Variants in RP1 observed in about 807,000 individuals in gnomAD.
RP1 encodes RP1 axonemal microtubule associated, also known as oxygen-regulated protein 1.
A neutral mutation model predicts 14.8 loss-of-function variants in RP1; 16 were observed. The ratio of observed to expected loss-of-function variants is 1.08; its 90% CI spans 0.73 to 1.65. The LOEUF is 1.65. Among genes scored for constraint, RP1 ranks in the 40% most tolerant of loss-of-function variants. The pLI, the probability that RP1 is intolerant of heterozygous loss-of-function variation, is 0.00. For synonymous variants in RP1, 876 were observed against 883.6 expected, an observed-to-expected ratio of 0.99 and a Z score of 0.15; for missense variants, 2,631 against 2,535.0, an observed-to-expected ratio of 1.04 and a Z score of -0.81.
At chr8:54,585,619 C>T (rs1397689451) in intron 1 of RP1, among the ~76,000 whole-genome samples, 1 of 152,232 alleles carries the variant, frequency 6.6e-6, no homozygotes, top group Admixed American at 6.5e-5. Flanking sequence ...TTATCCCCGT[C>T]ACTTTCGGGT....
At chr8:54,855,971 ACC>A (rs750191284) in intron 26 of RP1, among the ~76,000 whole-genome samples, 10,552 of 55,688 alleles carry the variant, frequency 0.19, 638 homozygotes, top group African/African-American at 0.38. Context: ...ACACACACAC[ACC>A]CCCTATAACC....
intron 7 of RP1, among the ~76,000 whole-genome samples, chr8:54,666,061 G>A (rs1807010800): frequency 6.6e-6 from 1 of 152,096 alleles, no homozygotes; most frequent in Admixed American, 6.6e-5. Context: ...AGGTGGTTTA[G>A]AGGCCAGTCC....
chr8:54,813,363 A>G (rs890428163), intron 24 of RP1, among the ~76,000 whole-genome samples: 3 of 152,118 alleles, frequency 2.0e-5, no homozygotes, highest in East Asian at 3.9e-4. Context: ...CCAGGGATGC[A>G]CCTCCTCAGT....
intron 24 of RP1, among the ~76,000 whole-genome samples, chr8:54,830,630 T>C (rs1041325082): frequency 6.6e-6 from 1 of 152,194 alleles, no homozygotes; most frequent in Non-Finnish European, 1.5e-5. Context: ...TGTTACTTTT[T>C]AAATCCAGTC....
At chr8:54,757,228 T>C (rs1350651693) in intron 21 of RP1, among the ~76,000 whole-genome samples, 1 of 152,214 alleles carries the variant, frequency 6.6e-6, no homozygotes, top group Admixed American at 6.5e-5. Context: ...AAACCACTCA[T>C]TGGGCTAGTT....
At chr8:54,825,105 G>A (rs1381487321) in intron 24 of RP1, among the ~76,000 whole-genome samples, 1 of 152,090 alleles carries the variant, frequency 6.6e-6, no homozygotes, top group East Asian at 1.9e-4. Context: ...GAGTAGCTGG[G>A]ACTACAGGCG....
At chr8:54,593,629 G>T (rs927389560) in intron 1 of RP1, among the ~76,000 whole-genome samples, 2 of 152,212 alleles carry the variant, frequency 1.3e-5, no homozygotes, top group Non-Finnish European at 2.9e-5. Context: ...AGGCTGCACT[G>T]TGAAGGGAAC....
chr8:54,675,541 T>G (rs1585598029), intron 8 of RP1, among the ~76,000 whole-genome samples: 1 of 152,318 alleles, frequency 6.6e-6, no homozygotes, highest in Non-Finnish European at 1.5e-5. Flanking sequence ...AACATTTTTA[T>G]AATTTGACTC....
chr8:54,790,080 C>T (rs1242996679), intron 24 of RP1, among the ~76,000 whole-genome samples: 1 of 152,142 alleles, frequency 6.6e-6, no homozygotes, highest in Non-Finnish European at 1.5e-5. Flanking sequence ...GGGAAAGCAG[C>T]CTATAACTCT....
chr8:54,819,277 CATTTTTCAGCTCCAGA>C (rs1172329483), intron 24 of RP1, among the ~76,000 whole-genome samples: 1 of 151,954 alleles, frequency 6.6e-6, no homozygotes, highest in Non-Finnish European at 1.5e-5. Context: ...ATGCCACTTG[CATTTTTCAGCTCCAGA>C]ATTTTTGCTT....
In RP1 at chr8:54,701,377, C is replaced by G. The variant is rs932591372; in HGVS notation, c.1822-109C>G. 4 of 897,884 alleles carry G rather than the reference C, an allele frequency of 4.5e-6. No individual in the cohort carries two copies. The African/African-American group carries it at 6.9e-5, about 16-fold the overall frequency. The allele number at this position is 897,884 out of a possible 1,614,324, so 55.6% of individuals were successfully genotyped here. ...AAATCATGAGATTTTATAAATAGTA[C>G]AAAGTTTCCATAAAATGAAGTAGAC... On this transcript the variant is annotated intron_variant, in intron 13 of 22. Transcript: ENST00000636932.
At chr8:54,647,158 C>T (rs549050668) in intron 3 of RP1, among the ~76,000 whole-genome samples, 9 of 152,134 alleles carry the variant, frequency 5.9e-5, no homozygotes, top group African/African-American at 1.7e-4. Context: ...TGCCTGTAAT[C>T]GTAGCGTAGC....
chr8:54,622,768 A>G (rs1805917142), intron 3 of RP1, among the ~76,000 whole-genome samples: 1 of 152,186 alleles, frequency 6.6e-6, no homozygotes, highest in South Asian at 2.1e-4. Flanking sequence ...TCCACATTTT[A>G]TTTATTAAAT....
intron 15 of RP1, among the ~76,000 whole-genome samples, chr8:54,709,702 A>G (rs569182475): frequency 6.6e-6 from 1 of 152,320 alleles, no homozygotes; most frequent in South Asian, 2.1e-4. Context: ...CCTTTTGGAG[A>G]TAAGCACACC....
chr8:54,804,659 T>C (rs917728259), intron 24 of RP1, among the ~76,000 whole-genome samples: 1 of 152,170 alleles, frequency 6.6e-6, no homozygotes, highest in Non-Finnish European at 1.5e-5. Context: ...TAAGATGGGA[T>C]AAAAGATACT....
chr8:54,675,758 T>C (rs1193862260), intron 8 of RP1, among the ~76,000 whole-genome samples: 1 of 152,184 alleles, frequency 6.6e-6, no homozygotes, highest in Non-Finnish European at 1.5e-5. Context: ...ATGATGGTGT[T>C]TTTTTCTGTC....
chr8:54,659,198 C>T (rs1243377013), intron 6 of RP1, among the ~76,000 whole-genome samples: 1 of 152,034 alleles, frequency 6.6e-6, no homozygotes, highest in Non-Finnish European at 1.5e-5. Flanking sequence ...ATGATTGTTG[C>T]CTTTGCTGTG....
At chr8:54,680,974 C>A (rs925921725) in intron 12 of RP1, among the ~76,000 whole-genome samples, 81 of 144,904 alleles carry the variant, frequency 5.6e-4, no homozygotes, top group African/African-American at 1.9e-3. Flanking sequence ...AAAAAAAAAA[C>A]AAAAAAGAAA....
At chr8:54,712,737 C>T (rs938559744) in intron 15 of RP1, among the ~76,000 whole-genome samples, 5 of 152,154 alleles carry the variant, frequency 3.3e-5, no homozygotes, top group African/African-American at 1.2e-4. Flanking sequence ...CTTTAAAATT[C>T]TCCATCTCAA....
Sources: allele counts gnomAD v4.1 joint callset (sites outside exome capture counted in the v4.1 genomes callset), GRCh38; gene constraint gnomAD v4.1.1; transcripts MANE v1.5; gene names NCBI Gene and HGNC (gene_info 2026-07-23, HGNC 2026-07-21).